EPHA6: variants seen among roughly 807,000 people sequenced by gnomAD.
EPHA6 encodes the protein ephrin type-A receptor 6.
A neutral mutation model predicts 112.0 loss-of-function variants in EPHA6; 50 were observed. The ratio of observed to expected loss-of-function variants is 0.45; its 90% CI spans 0.36 to 0.56. The LOEUF is 0.56. Ranked by LOEUF, EPHA6 falls within the 20% of genes least tolerant of loss-of-function variation. The pLI, the probability that EPHA6 is intolerant of heterozygous loss-of-function variation, is 0.00. For synonymous variants in EPHA6, 529 were observed against 490.7 expected (o/e 1.08, Z -1.03); for missense variants, 1,280 against 1,417.4 (o/e 0.90, Z 1.56).
chr3:97,483,827 A>G, intron 9 of EPHA6, 107 bp from the exon 10 acceptor site: 1 of 1,180,714 alleles, frequency 8.5e-7, no homozygotes. Flanking sequence ...TTAAATCATT[A>G]TCAAGACTGA....
chr3:97,420,095 C>T (rs2088491218), intron 6 of EPHA6, among the ~76,000 whole-genome samples: 1 of 152,046 alleles, frequency 6.6e-6, no homozygotes, highest in Non-Finnish European at 1.5e-5. Context: ...TTGATCAACA[C>T]TAAATATTAA....
intron 3 of EPHA6, among the ~76,000 whole-genome samples, chr3:97,138,601 C>T (rs529501181): frequency 1.9e-4 from 29 of 152,306 alleles, no homozygotes; most frequent in Admixed American, 8.5e-4. Flanking sequence ...CTTAAGTCCA[C>T]CAAGCCAGAG....
chr3:97,668,054 A>AT (rs140447570), intron 14 of EPHA6, among the ~76,000 whole-genome samples: 2,777 of 152,102 alleles, frequency 0.018, 69 homozygotes, highest in African/African-American at 0.063. Flanking sequence ...GTTATTTTAT[A>AT]TTTTTTTGCA....
intron 3 of EPHA6, among the ~76,000 whole-genome samples, chr3:97,173,065 A>G (rs974501170): frequency 2.0e-5 from 3 of 151,834 alleles, no homozygotes; most frequent in African/African-American, 4.8e-5. Flanking sequence ...ATTACCTCCC[A>G]TGCCATATAC....
chr3:97,263,776 TAGAG>T (rs1178922530), intron 5 of EPHA6, among the ~76,000 whole-genome samples: 1 of 152,088 alleles, frequency 6.6e-6, no homozygotes, highest in African/African-American at 2.4e-5. Context: ...TGTGCGTTGT[TAGAG>T]AGGAAAGTAT....
intron 1 of EPHA6, among the ~76,000 whole-genome samples, chr3:96,843,169 C>T (rs2034854053): frequency 6.6e-6 from 1 of 151,964 alleles, no homozygotes; most frequent in African/African-American, 2.4e-5. Flanking sequence ...TATTACTGCT[C>T]TTATATATTT....
chr3:97,347,829 G>C (rs2083604963), intron 5 of EPHA6, among the ~76,000 whole-genome samples: 1 of 152,008 alleles, frequency 6.6e-6, no homozygotes, highest in South Asian at 2.1e-4. Context: ...TATCTGGCAA[G>C]TACATTTTCA....
intron 11 of EPHA6, among the ~76,000 whole-genome samples, chr3:97,569,657 A>G (rs1252514842): frequency 6.6e-6 from 1 of 152,240 alleles, no homozygotes; most frequent in East Asian, 1.9e-4. Flanking sequence ...ACATTTTCAA[A>G]AAAATACTTT....
intron 6 of EPHA6, among the ~76,000 whole-genome samples, chr3:97,409,685 C>T (rs1282353973): frequency 6.6e-6 from 1 of 152,078 alleles, no homozygotes; most frequent in Non-Finnish European, 1.5e-5. Context: ...CCCTAATTAT[C>T]AACTGGTAGC....
chr3:97,396,422 T>C (rs1277485744), intron 5 of EPHA6, among the ~76,000 whole-genome samples: 1 of 150,802 alleles, frequency 6.6e-6, no homozygotes, highest in Non-Finnish European at 1.5e-5. Flanking sequence ...TTCAAAATAA[T>C]GCATATTTGT....
In EPHA6 at chr3:97,132,805, A is replaced by G. The variant is rs545415428; in HGVS notation, c.1115-93459A>G. ...AGAATATTGTCCTGTAGTAAAGTAG[A>G]ATGTAGGCAACCAAAGTAAATTTAC... is the stretch of plus-strand genomic sequence containing the variant. On this transcript the variant is annotated intron_variant, in intron 3 of 17. Coordinates refer to ENST00000389672, the MANE Select transcript of EPHA6 (RefSeq NM_001080448.3). Among the ~76,000 whole-genome samples, 11 of 152,184 alleles carry G rather than the reference A, an allele frequency of 7.2e-5. No individual in the cohort carries two copies. In the East Asian group the frequency reaches 2.1e-3, roughly 29 times the overall value.
chr3:97,224,741 T>A (rs1168631356), intron 3 of EPHA6, among the ~76,000 whole-genome samples: 2 of 152,082 alleles, frequency 1.3e-5, no homozygotes, highest in African/African-American at 4.8e-5. Context: ...ATATTTAAAA[T>A]GTTTTAAATA....
At chr3:97,348,105 A>G (rs756744979) in intron 5 of EPHA6, among the ~76,000 whole-genome samples, 1 of 152,082 alleles carries the variant, frequency 6.6e-6, no homozygotes, top group African/African-American at 2.4e-5. Flanking sequence ...CTATGCTAAC[A>G]TTAGAGAGTA....
chr3:97,396,565 C>A (rs2086705414), intron 5 of EPHA6, among the ~76,000 whole-genome samples: 1 of 151,328 alleles, frequency 6.6e-6, no homozygotes, highest in African/African-American at 2.4e-5. Context: ...TAATTTTGAA[C>A]TCATTACACT....
intron 13 of EPHA6, among the ~76,000 whole-genome samples, chr3:97,636,160 C>T (rs2107551548): frequency 6.6e-6 from 1 of 152,180 alleles, no homozygotes; most frequent in East Asian, 1.9e-4. Flanking sequence ...GCCCCATTAA[C>T]ATTCACTACT....
intron 2 of EPHA6, among the ~76,000 whole-genome samples, chr3:96,952,130 A>C (rs1302353870): frequency 6.6e-6 from 1 of 152,136 alleles, no homozygotes; most frequent in East Asian, 1.9e-4. Context: ...GACCATCATC[A>C]TTCAGCATTC....
At chr3:97,322,094 G>C (rs1250323928) in intron 5 of EPHA6, among the ~76,000 whole-genome samples, 1 of 151,850 alleles carries the variant, frequency 6.6e-6, no homozygotes, top group East Asian at 1.9e-4. Context: ...CAAACTACTG[G>C]TTTTCCTTTC....
rs568371050 is a variant in EPHA6, at chr3:97,638,290, G to A, written c.2784+208G>A. Among the ~76,000 whole-genome samples, 7 of 152,190 alleles carry A rather than the reference G, an allele frequency of 4.6e-5. No homozygotes were observed. In the East Asian group the frequency reaches 7.7e-4, roughly 17 times the overall value. ...AAAGAAAACAAAAACTTTCATACCT[G>A]ACTGTTTTCTTTCTTTCATTGTCCT... On this transcript the variant is annotated intron_variant, in intron 14 of 17. Transcript: ENST00000389672.
At position 96,905,881 on chromosome 3, in the gene EPHA6, G is replaced by C. The variant is rs528399139; in HGVS notation, c.450+38992G>C. Among the ~76,000 whole-genome samples the C allele has an allele frequency of 1.3e-4, 20 of 152,074 alleles. No individual in the cohort carries two copies. The South Asian group carries it at 3.9e-3, about 30-fold the overall frequency. On this transcript the variant is annotated intron_variant, in intron 2 of 17. Transcript: ENST00000389672. The stretch of plus-strand genomic sequence containing the variant: ...CACTTTGCAGAATCTCATAATTTAA[G>C]ATTCTTAAATTGAAATAACATTGTA...
Sources: gnomAD v4.1 joint callset for allele counts (sites outside exome capture counted in the v4.1 genomes callset) on GRCh38, gnomAD v4.1.1 for gene constraint, MANE v1.5 for transcripts, NCBI Gene and HGNC (gene_info 2026-07-23, HGNC 2026-07-21) for gene names.